Variants in SNX24 observed in about 807,000 individuals in gnomAD.
The protein encoded by SNX24 is sorting nexin 24.
SNX24 carries 22 observed loss-of-function variants against 28.7 expected under a neutral mutation model. That is an observed-to-expected ratio of 0.77 (90% CI 0.55 to 1.10). The LOEUF is 1.10. Among genes scored for constraint, SNX24 ranks in the 50% least tolerant of loss-of-function variants. The pLI, the probability that SNX24 is intolerant of heterozygous loss-of-function variation, is 0.00. For synonymous variants in SNX24, 69 were observed against 71.5 expected (o/e 0.96, Z 0.18); for missense variants, 221 against 201.1 (o/e 1.10, Z -0.60).
At chr5:123,006,843 C>T (rs1366013238) in intron 6 of SNX24, among the ~76,000 whole-genome samples, 2 of 152,194 alleles carry the variant, frequency 1.3e-5, no homozygotes, top group African/African-American at 4.8e-5. Flanking sequence ...ATTTTATTTA[C>T]ACAGTAGACA....
intron 5 of SNX24, among the ~76,000 whole-genome samples, chr5:123,021,112 C>CA (rs369156255): frequency 6.6e-6 from 1 of 151,468 alleles, no homozygotes; most frequent in Non-Finnish European, 1.5e-5. Context: ...GTTCCCCCCC[C>CA]GTCCCCATGG....
chr5:122,862,917 A>G (rs1209955308), intron 1 of SNX24, among the ~76,000 whole-genome samples: 1 of 152,186 alleles, frequency 6.6e-6, no homozygotes, highest in Non-Finnish European at 1.5e-5. Context: ...AAAGATATAC[A>G]TATAAAGTTC....
At chr5:122,879,611 C>T (rs1756385232) in intron 1 of SNX24, among the ~76,000 whole-genome samples, 2 of 152,252 alleles carry the variant, frequency 1.3e-5, no homozygotes, top group South Asian at 4.1e-4. Flanking sequence ...GTTACTTAAC[C>T]TCTCTGTGCC....
At chr5:122,881,220 AT>A (rs560330528) in intron 1 of SNX24, among the ~76,000 whole-genome samples, 9 of 60,306 alleles carry the variant, frequency 1.5e-4, no homozygotes. Flanking sequence ...ATGTTTTATG[AT>A]TTTTTTTAAA....
chr5:122,871,481 T>C (rs577543266), intron 1 of SNX24, among the ~76,000 whole-genome samples: 2 of 152,136 alleles, frequency 1.3e-5, no homozygotes, highest in African/African-American at 4.8e-5. Context: ...AAGAAAAGCT[T>C]TTCTGGCTGG....
intron 1 of SNX24, among the ~76,000 whole-genome samples, chr5:122,852,256 C>T (rs1754957992): frequency 6.6e-6 from 1 of 151,594 alleles, no homozygotes; most frequent in Non-Finnish European, 1.5e-5. Context: ...TGGTGGTTTG[C>T]TGAACTATTT....
intron 1 of SNX24, among the ~76,000 whole-genome samples, chr5:122,853,008 G>T (rs1754991896): frequency 2.0e-5 from 3 of 151,640 alleles, no homozygotes; most frequent in East Asian, 3.9e-4. Flanking sequence ...TGTGTAACAA[G>T]GACGTAGCTG....
chr5:122,876,866 G>A (rs1756247207), intron 1 of SNX24, among the ~76,000 whole-genome samples: 1 of 152,164 alleles, frequency 6.6e-6, no homozygotes, highest in African/African-American at 2.4e-5. Flanking sequence ...CTTTGTCAAG[G>A]AACGCACCCT....
intron 3 of SNX24, among the ~76,000 whole-genome samples, chr5:122,976,147 C>A (rs1761152193): frequency 6.6e-6 from 1 of 152,034 alleles, no homozygotes; most frequent in Admixed American, 6.6e-5. Context: ...AGATGTCCAA[C>A]ACCTATGGCT....
At chr5:123,028,536 A>G in intron 5 of SNX24, 1 of 416,354 alleles carries the variant, frequency 2.4e-6, no homozygotes, top group South Asian at 7.4e-5. Context: ...AAATGAATAC[A>G]TCTCAATTAC....
rs572254202 is a variant in SNX24 at position 122,958,241 on chromosome 5, G to A, written c.249+12082G>A. Among the ~76,000 whole-genome samples, 9 of 113,186 alleles carry A rather than the reference G, an allele frequency of 8.0e-5. No individual in the cohort carries two copies. In the East Asian group the frequency reaches 2.8e-3, roughly 35 times the overall value. 74.3% of individuals were successfully genotyped at this position (113,186 alleles called of 152,430 possible). A position where few individuals can be genotyped will look rare whatever the true frequency, so the allele number is the denominator to read the frequency against. On this transcript the variant is annotated intron_variant, in intron 3 of 6. Coordinates refer to ENST00000261369, the MANE Select transcript of SNX24 (RefSeq NM_014035.4). The stretch of plus-strand genomic sequence containing the variant: ...AATTTTTTTGTCATGAAAGGGTGTT[G>A]AATTTTGCAAAAAAAAAATTTTTTT...
intron 6 of SNX24, 97 bp downstream of exon 6, chr5:123,002,101 T>G: frequency 1.0e-6 from 1 of 956,284 alleles, no homozygotes; most frequent in Non-Finnish European, 1.7e-6. Context: ...GTGACATTGG[T>G]CCCGGGCTTA....
intron 1 of SNX24, among the ~76,000 whole-genome samples, chr5:122,918,945 T>C (rs888132605): frequency 2.0e-4 from 30 of 152,346 alleles, no homozygotes; most frequent in African/African-American, 7.0e-4. Flanking sequence ...TGTGTATATA[T>C]ATAATCTGTA....
chr5:123,023,944 G>T (rs1202781656), intron 5 of SNX24: 13 of 1,614,100 alleles, frequency 8.1e-6, no homozygotes, highest in Non-Finnish European at 1.0e-5. Flanking sequence ...TGATCGAGCA[G>T]TTGGTGAGTG....
downstream of SNX24, among the ~76,000 whole-genome samples, chr5:123,010,353 C>G (rs1762549463): frequency 6.6e-6 from 1 of 151,514 alleles, no homozygotes; most frequent in Non-Finnish European, 1.5e-5. Context: ...TGCAGTGGCA[C>G]AATCTCAACT....
chr5:122,880,532 C>T (rs1756431642), intron 1 of SNX24, among the ~76,000 whole-genome samples: 1 of 152,154 alleles, frequency 6.6e-6, no homozygotes, highest in Non-Finnish European at 1.5e-5. Flanking sequence ...TGCTTATGTC[C>T]AGCTCAACCC....
At chr5:122,860,051 A>G (rs943793568) in intron 1 of SNX24, among the ~76,000 whole-genome samples, 1 of 152,214 alleles carries the variant, frequency 6.6e-6, no homozygotes, top group Non-Finnish European at 1.5e-5. Context: ...TAATCTCTTT[A>G]GGATTGGGAG....
intron 4 of SNX24, among the ~76,000 whole-genome samples, chr5:123,000,436 T>C (rs954249812): frequency 6.6e-6 from 1 of 152,338 alleles, no homozygotes; most frequent in Non-Finnish European, 1.5e-5. Context: ...ATTTTGTAGT[T>C]GAGCAAACAG....
intron 2 of SNX24, among the ~76,000 whole-genome samples, chr5:122,940,717 A>C (rs550346905): frequency 6.6e-6 from 1 of 152,198 alleles, no homozygotes; most frequent in East Asian, 1.9e-4. Context: ...GATTACAGGC[A>C]TGTACCACCA....
Sources: gnomAD v4.1 joint callset for allele counts (sites outside exome capture counted in the v4.1 genomes callset) on GRCh38, gnomAD v4.1.1 for gene constraint, MANE v1.5 for transcripts, NCBI Gene and HGNC (gene_info 2026-07-23, HGNC 2026-07-21) for gene names.